CNTN4: variants seen among roughly 807,000 people sequenced by gnomAD.
CNTN4 encodes the protein contactin 4.
In CNTN4, 77 loss-of-function variants were observed where a neutral mutation model predicts 122.5. The ratio of observed to expected loss-of-function variants is 0.63; its 90% confidence interval spans 0.52 to 0.76. The LOEUF (loss-of-function observed/expected upper bound fraction) is 0.76, where lower values mean the gene tolerates loss of function less well. Ranked by LOEUF, CNTN4 falls within the 30% of genes least tolerant of loss-of-function variation. The pLI, the probability that CNTN4 is intolerant of heterozygous loss-of-function variation, is 0.00. For synonymous variants in CNTN4, 512 were observed against 447.0 expected (o/e 1.15, Z -1.83); for missense variants, 1,256 against 1,259.1 (o/e 1.00, Z 0.04).
chr3:2,502,222 C>T (rs1422401634), intron 3 of CNTN4, among the ~76,000 whole-genome samples: 2 of 152,104 alleles, frequency 1.3e-5, no homozygotes, highest in African/African-American at 2.4e-5. Context: ...TCCAAGGCCT[C>T]CTTTCTCCAA....
intron 4 of CNTN4, among the ~76,000 whole-genome samples, chr3:2,725,676 G>T (rs1437372812): frequency 1.3e-5 from 2 of 152,154 alleles, no homozygotes; most frequent in African/African-American, 2.4e-5. Flanking sequence ...CAAGGAAGCA[G>T]ATTTTTAGGG....
chr3:2,745,822 CTT>C (rs2089719674), intron 6 of CNTN4, 125 bp downstream of exon 6: 4 of 840,398 alleles, frequency 4.8e-6, no homozygotes, highest in Non-Finnish European at 7.7e-6. Flanking sequence ...CATCTTTACT[CTT>C]TTTCACATTT....
At chr3:2,753,089 C>T (rs549153291) in intron 6 of CNTN4, among the ~76,000 whole-genome samples, 3 of 152,114 alleles carry the variant, frequency 2.0e-5, no homozygotes, top group African/African-American at 7.2e-5. Context: ...TATGAAAGTG[C>T]CAATATATCT....
chr3:3,042,434 A>G lies in CNTN4; in HGVS notation c.2511+12A>G, dbSNP rs375704177. 18 of 1,534,476 alleles carry G rather than the reference A, an allele frequency of 1.2e-5. No individual in the cohort carries two copies. Among genetic ancestry groups the G allele is most frequent in the Non-Finnish European group, 1.4e-5 (16 of 1,107,182 alleles). On this transcript the variant is annotated intron_variant, in intron 21 of 24. Coordinates refer to ENST00000418658, the MANE Select transcript of CNTN4 (RefSeq NM_175607.3). The stretch of plus-strand genomic sequence containing the variant: ...TACAAGGTTATGAGGTAGGCAAGAC[A>G]TATGTGCCTTGGGTCTGAAAGAGAG...
intron 6 of CNTN4, among the ~76,000 whole-genome samples, chr3:2,776,450 A>C (rs925123679): frequency 6.6e-6 from 1 of 152,126 alleles, no homozygotes; most frequent in Non-Finnish European, 1.5e-5. Context: ...GGAATAAGGA[A>C]ATAAGGTAGG....
chr3:2,652,086 G>A (rs1242945425), intron 4 of CNTN4, among the ~76,000 whole-genome samples: 2 of 151,854 alleles, frequency 1.3e-5, no homozygotes, highest in African/African-American at 4.8e-5. Context: ...CTTGGTAGGA[G>A]GATTGCTTGA....
At position 2,900,639 on chromosome 3, in the gene CNTN4, G is replaced by A. The variant is rs760277203; in HGVS notation, c.941-46G>A. 3 of 1,598,762 alleles carry A rather than the reference G, an allele frequency of 1.9e-6. No homozygotes were observed. The South Asian group carries it at 3.3e-5, about 18-fold the overall frequency. ...ATTGAATATGATAAAAATAGATTGAGTACACACTGAATATACACCTTTCTT... is the reference window on the plus strand; with the variant it reads ...ATTGAATATGATAAAAATAGATTGAATACACACTGAATATACACCTTTCTT... On this transcript the variant is annotated intron_variant, in intron 10 of 24. Coordinates refer to ENST00000418658, the MANE Select transcript of CNTN4 (RefSeq NM_175607.3).
rs1397164566 is a variant in CNTN4 at position 2,234,486 on chromosome 3, T to C, written c.-144-104692T>C. ...TCTCATTTATATACAGAGCTACTTA[T>C]CTGATTTGACTTTATTCCTGACACT... On this transcript the variant is annotated intron_variant, in intron 2 of 24. Coordinates refer to ENST00000418658, the MANE Select transcript of CNTN4 (RefSeq NM_175607.3). 2.0e-5 allele frequency among the ~76,000 whole-genome samples: 3 copies of C among 151,944 alleles called. 1 individual carries two copies. Among genetic ancestry groups the C allele is most frequent in the South Asian group, 4.2e-4 (2 of 4,816 alleles).
chr3:2,110,965 C>G (rs1455764396), intron 2 of CNTN4, among the ~76,000 whole-genome samples: 1 of 152,146 alleles, frequency 6.6e-6, no homozygotes, highest in African/African-American at 2.4e-5. Flanking sequence ...GGAATGTTGG[C>G]TATCTTACCT....
At chr3:2,959,100 G>T (rs1284344870) in intron 13 of CNTN4, among the ~76,000 whole-genome samples, 1 of 152,082 alleles carries the variant, frequency 6.6e-6, no homozygotes, top group Non-Finnish European at 1.5e-5. Context: ...TTCCCCAGAC[G>T]GTGCTAAGTA....
intron 10 of CNTN4, among the ~76,000 whole-genome samples, chr3:2,890,740 C>G (rs1050797983): frequency 2.0e-5 from 3 of 152,150 alleles, no homozygotes; most frequent in African/African-American, 7.2e-5. Flanking sequence ...TTTAAGTTAC[C>G]CTGTGCTACT....
intron 21 of CNTN4, 94 bp from the exon 22 acceptor site, chr3:3,042,883 T>A: frequency 1.0e-6 from 1 of 990,328 alleles, no homozygotes; most frequent in Non-Finnish European, 1.6e-6. Flanking sequence ...GAAAACTAAC[T>A]CCATCATAAG....
Position 3,057,791 on chromosome 3 carries a change from A to G in CNTN4, c.*1571A>G, listed in dbSNP as rs1045959153. 2.0e-5 allele frequency: 3 copies of G among 152,614 alleles called. No homozygotes were observed. Among genetic ancestry groups the G allele is most frequent in the South Asian group, 2.1e-4 (1 of 4,826 alleles). 9.5% of individuals were successfully genotyped at this position (152,614 alleles called of 1,614,324 possible). On this transcript the variant is annotated 3_prime_UTR_variant, in exon 25 of 25. Transcript: ENST00000418658. ...TTGATATGGTTACTTCTATGTTGAA[A>G]TAAAATTTAAAATCACATGCAAAAA...
At chr3:2,473,402 A>G (rs1286082696) in intron 3 of CNTN4, among the ~76,000 whole-genome samples, 1 of 152,022 alleles carries the variant, frequency 6.6e-6, no homozygotes, top group East Asian at 1.9e-4. Context: ...TATACTAGCC[A>G]TTGTAAAGTT....
chr3:2,598,969 A>G (rs138467742), intron 4 of CNTN4, among the ~76,000 whole-genome samples: 2 of 152,356 alleles, frequency 1.3e-5, no homozygotes, highest in Non-Finnish European at 2.9e-5. Context: ...TTTCTGATCT[A>G]AGGAAAATAA....
In CNTN4 at chr3:2,109,122, T is replaced by C. The variant is rs576891671; in HGVS notation, c.-145+8483T>C. On this transcript the variant is annotated intron_variant, in intron 2 of 24. Coordinates refer to ENST00000418658, the MANE Select transcript of CNTN4 (RefSeq NM_175607.3). Reference sequence around the variant, plus strand: ...GATTAGTTCCTTTTTAGAAACAGTTTGTTTTTTCTTGCATATTTAAACCAG... The same window carrying C: ...GATTAGTTCCTTTTTAGAAACAGTTCGTTTTTTCTTGCATATTTAAACCAG... Among the ~76,000 whole-genome samples the C allele has an allele frequency of 2.6e-5, 4 of 152,350 alleles. No individual in the cohort carries two copies. The East Asian group carries it at 7.7e-4, about 29-fold the overall frequency.
At chr3:2,395,474 G>A (rs1442836800) in intron 3 of CNTN4, among the ~76,000 whole-genome samples, 1 of 152,120 alleles carries the variant, frequency 6.6e-6, no homozygotes, top group African/African-American at 2.4e-5. Context: ...GGATCACATG[G>A]TACACTGTGC....
chr3:2,964,290 T>C (rs746224367), intron 13 of CNTN4, among the ~76,000 whole-genome samples: 10 of 152,198 alleles, frequency 6.6e-5, no homozygotes, highest in Non-Finnish European at 1.5e-4. Context: ...AGACTAGTTC[T>C]GCATAAGAAA....
intron 7 of CNTN4, among the ~76,000 whole-genome samples, chr3:2,854,767 CAT>C (rs569150067): frequency 1.1e-4 from 16 of 152,118 alleles, no homozygotes; most frequent in Non-Finnish European, 2.2e-4. Flanking sequence ...CTCAGTCAGT[CAT>C]ATTACTGCTT....
Sources: gnomAD v4.1 joint callset for allele counts (sites outside exome capture counted in the v4.1 genomes callset) on GRCh38, gnomAD v4.1.1 for gene constraint, MANE v1.5 for transcripts, NCBI Gene and HGNC (gene_info 2026-07-23, HGNC 2026-07-21) for gene names.